Variants in BICC1 observed in about 807,000 individuals in gnomAD.
The protein encoded by BICC1 is protein bicaudal C homolog 1.
A neutral mutation model predicts 111.0 loss-of-function variants in BICC1; 43 were observed. The ratio of observed to expected loss-of-function variants is 0.39; its 90% CI spans 0.30 to 0.50. The LOEUF is 0.50. Ranked by LOEUF, BICC1 falls within the 20% of genes least tolerant of loss-of-function variation. The pLI is 0.88. For synonymous variants in BICC1, 467 were observed against 434.4 expected, an observed-to-expected ratio of 1.07 and a Z score of -0.93; for missense variants, 1,091 against 1,203.2, an observed-to-expected ratio of 0.91 and a Z score of 1.38.
chr10:58,544,827 A>G (rs1843093424), intron 1 of BICC1, among the ~76,000 whole-genome samples: 1 of 152,058 alleles, frequency 6.6e-6, no homozygotes, highest in African/African-American at 2.4e-5. Flanking sequence ...TCATTTGGAG[A>G]TAGGGCTTTT....
intron 1 of BICC1, among the ~76,000 whole-genome samples, chr10:58,523,041 C>T (rs1434087643): frequency 6.6e-6 from 1 of 152,120 alleles, no homozygotes; most frequent in Non-Finnish European, 1.5e-5. Context: ...ATAACAGGCT[C>T]TGAAATTGAG....
chr10:58,514,661 C>CT (rs1340278238), intron 1 of BICC1, among the ~76,000 whole-genome samples: 1 of 130,670 alleles, frequency 7.7e-6, no homozygotes, highest in Non-Finnish European at 1.6e-5. Flanking sequence ...ATGTCTTTCT[C>CT]TGTCTCTCCC....
chr10:58,565,764 C>T (rs964539102), intron 1 of BICC1, among the ~76,000 whole-genome samples: 1 of 151,912 alleles, frequency 6.6e-6, no homozygotes, highest in African/African-American at 2.4e-5. Context: ...TAAGGCTGGC[C>T]CAGTCTAGGG....
chr10:58,703,069 C>T (rs562528028), intron 3 of BICC1, among the ~76,000 whole-genome samples: 38 of 152,022 alleles, frequency 2.5e-4, no homozygotes, highest in Middle Eastern at 3.4e-3. Flanking sequence ...TAGAGTTACT[C>T]ATCACATGGA....
intron 2 of BICC1, among the ~76,000 whole-genome samples, chr10:58,656,490 G>T (rs1838655406): frequency 6.7e-6 from 1 of 149,620 alleles, no homozygotes; most frequent in Non-Finnish European, 1.5e-5. Flanking sequence ...ACATCAAAAA[G>T]CTTATCCACC....
At chr10:58,710,090 G>A (rs1015945067) in intron 3 of BICC1, among the ~76,000 whole-genome samples, 1 of 152,174 alleles carries the variant, frequency 6.6e-6, no homozygotes, top group African/African-American at 2.4e-5. Flanking sequence ...AATATTTTAT[G>A]TACATAATCT....
intron 3 of BICC1, among the ~76,000 whole-genome samples, chr10:58,783,417 C>T (rs1842931143): frequency 6.6e-6 from 1 of 151,772 alleles, no homozygotes. Flanking sequence ...GGCAATTGCC[C>T]AATTGCAACA....
intron 9 of BICC1, among the ~76,000 whole-genome samples, chr10:58,794,799 C>T (rs1843298622): frequency 6.6e-6 from 1 of 152,146 alleles, no homozygotes; most frequent in Admixed American, 6.5e-5. Flanking sequence ...TTTAAACTAG[C>T]ACAGCCACTT....
intron 2 of BICC1, among the ~76,000 whole-genome samples, chr10:58,687,792 G>T (rs1438993168): frequency 6.6e-6 from 1 of 152,192 alleles, no homozygotes; most frequent in Non-Finnish European, 1.5e-5. Context: ...TGCTAGGAAA[G>T]GGAATTCCCT....
In BICC1 at chr10:58,581,104, C is replaced by CT. The variant is rs1844268685; in HGVS notation, c.191-39749dup. ...TTTCTTGGTGTTTCAGTTTTCCATA[C>CT]TTATAAAGCAAAGGAAATAATAAGA... On this transcript the variant is annotated intron_variant, in intron 1 of 20. Coordinates refer to ENST00000373886, the MANE Select transcript of BICC1 (RefSeq NM_001080512.3). Among the ~76,000 whole-genome samples, 3 of 152,056 alleles carry CT rather than the reference C, an allele frequency of 2.0e-5. No homozygotes were observed. In the South Asian group the frequency reaches 6.2e-4, roughly 32 times the overall value.
At chr10:58,514,824 G>T (rs1164508386) in intron 1 of BICC1, among the ~76,000 whole-genome samples, 4 of 152,178 alleles carry the variant, frequency 2.6e-5, no homozygotes. Flanking sequence ...CTGTTCTGTG[G>T]TTCTTTTTGC....
In BICC1 at chr10:58,732,576, T is replaced by C. The variant is rs186516300; in HGVS notation, c.307+30433T>C. ...CAGGAGGATTCTTTGAGCCCAGGAG[T>C]TTGAGACCAGCCTGGGCAACATGGT... On this transcript the variant is annotated intron_variant, in intron 3 of 20. Transcript: ENST00000373886. Among the ~76,000 whole-genome samples, 4 of 149,518 alleles carry C rather than the reference T, an allele frequency of 2.7e-5. No homozygotes were observed. In the East Asian group the frequency reaches 7.9e-4, roughly 30 times the overall value.
intron 3 of BICC1, among the ~76,000 whole-genome samples, chr10:58,769,943 A>C (rs1003917761): frequency 6.6e-6 from 1 of 152,138 alleles, no homozygotes; most frequent in African/African-American, 2.4e-5. Flanking sequence ...AAAAGCGTAA[A>C]AGTAGTGCTA....
At chr10:58,679,307 CAA>C (rs1040972030) in intron 2 of BICC1, among the ~76,000 whole-genome samples, 4 of 151,624 alleles carry the variant, frequency 2.6e-5, no homozygotes, top group African/African-American at 7.3e-5. Context: ...ATAAATAAGA[CAA>C]GAGAGAAGAA....
intron 3 of BICC1, among the ~76,000 whole-genome samples, chr10:58,763,441 T>C (rs1842373928): frequency 6.6e-6 from 1 of 152,122 alleles, no homozygotes; most frequent in Non-Finnish European, 1.5e-5. Flanking sequence ...AGAAAATATT[T>C]TGAGGTACAA....
chr10:58,766,899 A>C (rs1420708959), intron 3 of BICC1, among the ~76,000 whole-genome samples: 1 of 151,936 alleles, frequency 6.6e-6, no homozygotes, highest in Non-Finnish European at 1.5e-5. Context: ...CCCACCGAGA[A>C]CACTGGAGGA....
intron 3 of BICC1, among the ~76,000 whole-genome samples, chr10:58,762,726 C>A (rs1842350812): frequency 6.6e-6 from 1 of 152,072 alleles, no homozygotes; most frequent in African/African-American, 2.4e-5. Flanking sequence ...TCAAAATTTT[C>A]TTTACATGAA....
chr10:58,776,205 C>T (rs999844), intron 3 of BICC1, among the ~76,000 whole-genome samples: 45,325 of 152,026 alleles, frequency 0.3, 7,127 homozygotes, highest in East Asian at 0.46. Context: ...TTTTTATTTA[C>T]GGGACTTTCT....
chr10:58,740,539 T>G (rs1395417142), intron 3 of BICC1, among the ~76,000 whole-genome samples: 1 of 152,084 alleles, frequency 6.6e-6, no homozygotes, highest in Non-Finnish European at 1.5e-5. Context: ...ATTTGATGGG[T>G]GTATATATGT....
Sources: allele counts gnomAD v4.1 joint callset (sites outside exome capture counted in the v4.1 genomes callset), GRCh38; gene constraint gnomAD v4.1.1; transcripts MANE v1.5; gene names NCBI Gene and HGNC (gene_info 2026-07-23, HGNC 2026-07-21).